LIPA: variants seen among roughly 807,000 people sequenced by gnomAD.
The protein encoded by LIPA is lysosomal acid lipase/cholesteryl ester hydrolase.
LIPA carries 26 observed loss-of-function variants against 40.6 expected under a neutral mutation model. The observed-to-expected ratio is 0.64, with a 90% CI of 0.47 to 0.89. The LOEUF (loss-of-function observed/expected upper bound fraction) is 0.89, where lower values mean the gene tolerates loss of function less well. Among genes scored for constraint, LIPA ranks in the 40% least tolerant of loss-of-function variants. The pLI, the probability that LIPA is intolerant of heterozygous loss-of-function variation, is 0.00. For missense variants in LIPA, 455 were observed against 479.6 expected (o/e 0.95, Z 0.48); for synonymous variants, 188 against 168.4 (o/e 1.12, Z -0.90).
chr10:89,245,725 A>G lies in LIPA; in HGVS notation c.180T>C (p.Ile60=). Residue 60 remains isoleucine, a synonymous_variant, in exon 3 of 10, where the codon ATT becomes ATC. Coordinates refer to ENST00000336233, the MANE Select transcript of LIPA (RefSeq NM_000235.4). ...EYLVETEDGY[I]LCLNRIPHGR... is the part of the protein sequence containing the mutation. Reference sequence around the variant, plus strand: ...CATGAGGAATTCGGTTAAGGCACAGAATATATCCATCTTCTGTCTCAACTA... The same window carrying G: ...CATGAGGAATTCGGTTAAGGCACAGGATATATCCATCTTCTGTCTCAACTA... 1.2e-6 allele frequency: 2 copies of G among 1,606,398 alleles called. No individual in the cohort carries two copies. Among genetic ancestry groups the G allele is most frequent in the Non-Finnish European group, 1.7e-6 (2 of 1,172,968 alleles).
chr10:89,307,952 C>T (rs1212966443), intron 1 of LIPA: 1 of 152,872 alleles, frequency 6.5e-6, no homozygotes, highest in Admixed American at 6.5e-5. Flanking sequence ...AATTCAAGTG[C>T]CTGATTAATT....
At chr10:89,325,376 A>G (rs1843592849) in intron 1 of LIPA, among the ~76,000 whole-genome samples, 1 of 152,220 alleles carries the variant, frequency 6.6e-6, no homozygotes, top group Non-Finnish European at 1.5e-5. Flanking sequence ...TACATACCCA[A>G]AGGAATATAA....
intron 1 of LIPA, among the ~76,000 whole-genome samples, chr10:89,272,793 C>T (rs1242277128): frequency 2.0e-5 from 3 of 152,238 alleles, no homozygotes; most frequent in African/African-American, 7.2e-5. Context: ...GCCATTGTGA[C>T]TGGCGTGAGA....
intron 2 of LIPA, among the ~76,000 whole-genome samples, chr10:89,352,837 A>C (rs899254171): frequency 6.6e-6 from 1 of 151,736 alleles, no homozygotes; most frequent in Non-Finnish European, 1.5e-5. Context: ...CAATTTGTCC[A>C]TAAGGAAATT....
intron 2 of LIPA, among the ~76,000 whole-genome samples, chr10:89,395,820 GAA>G (rs77969642): frequency 3.4e-5 from 5 of 147,156 alleles, no homozygotes; most frequent in East Asian, 2.0e-4. Flanking sequence ...ACAAAATTAG[GAA>G]AAAAAAAAAT....
At chr10:89,295,470 C>A (rs1453188751) in intron 1 of LIPA, among the ~76,000 whole-genome samples, 3 of 152,170 alleles carry the variant, frequency 2.0e-5, no homozygotes, top group Non-Finnish European at 4.4e-5. Flanking sequence ...ACTTTAGCAT[C>A]CATTATAATT....
chr10:89,215,478 A>T (rs1842613819), intron 9 of LIPA, among the ~76,000 whole-genome samples: 1 of 152,246 alleles, frequency 6.6e-6, no homozygotes, highest in South Asian at 2.1e-4. Flanking sequence ...TTTAAGTCAG[A>T]GATAATCACG....
chr10:89,298,886 G>A (rs901352568), intron 1 of LIPA, among the ~76,000 whole-genome samples: 1 of 151,988 alleles, frequency 6.6e-6, no homozygotes, highest in African/African-American at 2.4e-5. Context: ...GAGAGGCTGA[G>A]GAAGGAGAAT....
intron 2 of LIPA, among the ~76,000 whole-genome samples, chr10:89,381,246 C>A (rs747531077): frequency 1.1e-4 from 17 of 152,204 alleles, no homozygotes; most frequent in Non-Finnish European, 1.8e-4. Flanking sequence ...TGTCTGTTCT[C>A]ATCATAGCAC....
chr10:89,276,901 A>G (rs987518575), intron 1 of LIPA, among the ~76,000 whole-genome samples: 24 of 152,212 alleles, frequency 1.6e-4, no homozygotes, highest in African/African-American at 5.3e-4. Flanking sequence ...TAGAGGAGCT[A>G]GCGAGTGGCA....
At chr10:89,230,975 A>G (rs1485850888) in intron 3 of LIPA, among the ~76,000 whole-genome samples, 1 of 152,228 alleles carries the variant, frequency 6.6e-6, no homozygotes, top group Admixed American at 6.5e-5. Context: ...CTCATTCTTT[A>G]TAACAGTGAA....
At position 89,240,196 on chromosome 10, in the gene LIPA, T is replaced by C. The variant is rs1023582689; in HGVS notation, c.229+5480A>G. Among the ~76,000 whole-genome samples the C allele has an allele frequency of 1.4e-4, 21 of 152,320 alleles. No homozygotes were observed. In the East Asian group the frequency reaches 3.7e-3, roughly 27 times the overall value. The stretch of plus-strand genomic sequence containing the variant: ...CTTCTGTCCATTGTAAACAAATGCA[T>C]CTTCCTCCTGTCCACACAGTTTAGA... On this transcript the variant is annotated intron_variant, in intron 3 of 9. Transcript: ENST00000336233.
intron 1 of LIPA, among the ~76,000 whole-genome samples, chr10:89,296,702 T>G (rs2133513437): frequency 6.6e-6 from 1 of 152,278 alleles, no homozygotes; most frequent in African/African-American, 2.4e-5. Context: ...TTCCCAAGAC[T>G]GAATAACCTA....
intron 2 of LIPA, chr10:89,403,374 T>C (rs780059609): frequency 6.2e-7 from 1 of 1,613,444 alleles, no homozygotes; most frequent in Non-Finnish European, 8.5e-7. Flanking sequence ...TCAAAAATTG[T>C]TATGCATGAA....
chr10:89,348,205 T>C (rs1843935294), intron 2 of LIPA, among the ~76,000 whole-genome samples: 1 of 152,160 alleles, frequency 6.6e-6, no homozygotes, highest in Non-Finnish European at 1.5e-5. Flanking sequence ...GTGGGAAGAT[T>C]TCCGTCAGAC....
chr10:89,331,674 C>T (rs1383746687), intron 1 of LIPA, among the ~76,000 whole-genome samples: 1 of 151,578 alleles, frequency 6.6e-6, no homozygotes, highest in African/African-American at 2.4e-5. Flanking sequence ...GCCTGGGCAA[C>T]ATAGTGAGAC....
At chr10:89,268,565 T>C (rs1843249097) in intron 1 of LIPA, among the ~76,000 whole-genome samples, 1 of 152,254 alleles carries the variant, frequency 6.6e-6, no homozygotes. Context: ...TCAAGCTATA[T>C]ATATTATTTA....
At chr10:89,234,742 A>T (rs1236365351) in intron 3 of LIPA, among the ~76,000 whole-genome samples, 1 of 152,236 alleles carries the variant, frequency 6.6e-6, no homozygotes. Context: ...GGTAAAACCT[A>T]TTGCTGTTCA....
chr10:89,313,558 A>G (rs1338788310), intron 1 of LIPA, among the ~76,000 whole-genome samples: 1 of 152,268 alleles, frequency 6.6e-6, no homozygotes, highest in Admixed American at 6.5e-5. Context: ...AAGAAAAAGG[A>G]AAACATGAAA....
Sources: allele counts gnomAD v4.1 joint callset (sites outside exome capture counted in the v4.1 genomes callset), GRCh38; gene constraint gnomAD v4.1.1; transcripts MANE v1.5; gene names NCBI Gene and HGNC (gene_info 2026-07-23, HGNC 2026-07-21).